The following DEFB124 variants were observed in gnomAD, a reference collection of about 807,000 sequenced individuals.
DEFB124 encodes defensin beta 124.
For synonymous variants in DEFB124, 38 were observed against 36.5 expected (o/e 1.04, Z -0.15); for missense variants, 78 against 83.1 (o/e 0.94, Z 0.24).
rs1330385387 is a variant in DEFB124, at chr20:31,470,956, T to C, written c.58+2000A>G. Among the ~76,000 whole-genome samples the C allele has an allele frequency of 3.9e-5, 5 of 127,720 alleles. No homozygotes were observed. The South Asian group carries it at 1.1e-3, about 27-fold the overall frequency. The allele number at this position is 127,720 out of a possible 152,430, so 83.8% of individuals were successfully genotyped here. A position where few individuals can be genotyped will look rare whatever the true frequency, so the allele number is the denominator to read the frequency against. The stretch of plus-strand genomic sequence containing the variant: ...CTCCTCACTTCCCAGTAGGGGCGGC[T>C]GGGCAGAAGCGCCCCTCACTTCCCG... On this transcript the variant is annotated intron_variant, in intron 2 of 2. Coordinates refer to ENST00000317676, the MANE Select transcript of DEFB124 (RefSeq NM_001037500.2).
intron 2 of DEFB124, among the ~76,000 whole-genome samples, chr20:31,467,279 C>A (rs866756535): frequency 1.3e-5 from 2 of 152,198 alleles, no homozygotes; most frequent in Middle Eastern, 3.2e-3. Context: ...TTTATTCAAC[C>A]CTGCCGAGCA....
At chr20:31,467,572 T>C (rs898705687) in intron 2 of DEFB124, among the ~76,000 whole-genome samples, 131 of 152,222 alleles carry the variant, frequency 8.6e-4, no homozygotes, top group African/African-American at 2.6e-3. Flanking sequence ...GCTCAATAAA[T>C]AGGAGGCAAG....
rs1225360713 is a variant in DEFB124, at chr20:31,468,727, G to A, written c.59-3064C>T. ...CTTGACCTCATGATCCACCCGCCTC[G>A]GCCTCCCAAAGTGCTGGGATTACAG... On this transcript the variant is annotated intron_variant, in intron 2 of 2. Coordinates refer to ENST00000317676, the MANE Select transcript of DEFB124 (RefSeq NM_001037500.2). 7.9e-5 allele frequency among the ~76,000 whole-genome samples: 12 copies of A among 152,042 alleles called. No individual in the cohort carries two copies. The South Asian group carries it at 1.3e-3, about 16-fold the overall frequency.
At chr20:31,470,242 C>A (rs866622901) in intron 2 of DEFB124, among the ~76,000 whole-genome samples, 2,380 of 121,436 alleles carry the variant, frequency 0.02, no homozygotes, top group Middle Eastern at 0.038. Context: ...AGGCGGCTGG[C>A]CGGGCGGGGG....
In DEFB124 at chr20:31,465,548, A is replaced by G. The variant is rs777101059; in HGVS notation, c.174T>C (p.Tyr58=). The change falls in exon 3 of 3, where the codon TAT becomes TAC. Residue 58 remains tyrosine, a synonymous_variant. Transcript: ENST00000317676. The part of the protein sequence containing the change: ...CPDASLCCLS[Y]ALKPPPVPKH... Reference sequence around the variant, plus strand: ...TGGGGACCGGTGGAGGTTTCAATGCATAGGAGAGACAGCACAGGGACGCAT... The same window carrying G: ...TGGGGACCGGTGGAGGTTTCAATGCGTAGGAGAGACAGCACAGGGACGCAT... 1.9e-6 allele frequency: 3 copies of G among 1,614,226 alleles called. No homozygotes were observed. The highest frequency in any genetic ancestry group is 2.2e-5 in the South Asian group (2 of 91,086).
rs996302634 is a variant in DEFB124 at position 31,472,451 on chromosome 20, G to A, written c.58+505C>T. 133 of 145,604 alleles carry A rather than the reference G, an allele frequency of 9.1e-4. 1 individual carries two copies. Among genetic ancestry groups the A allele is most frequent in the Non-Finnish European group, 3.3e-4 (22 of 66,296 alleles). 9.0% of individuals were successfully genotyped at this position (145,604 alleles called of 1,614,324 possible). On this transcript the variant is annotated intron_variant, in intron 2 of 2. Transcript: ENST00000317676. ...GGGAGAGGGGAGAAGGGAGAGGGGA[G>A]AGGGGAGAGGGGAGAGGGGAGAGGC...
In DEFB124 at chr20:31,470,155, G is replaced by A. The variant is rs1262505968; in HGVS notation, c.58+2801C>T. On this transcript the variant is annotated intron_variant, in intron 2 of 2. Coordinates refer to ENST00000317676, the MANE Select transcript of DEFB124 (RefSeq NM_001037500.2). ...CCTCACTTCCTAGTAGGGGCGGCCG[G>A]GCAGAGGTGCCCCTCACCTCCCGGA... Among the ~76,000 whole-genome samples the A allele has an allele frequency of 1.8e-4, 25 of 135,524 alleles. 1 individual carries two copies. Among genetic ancestry groups the A allele is most frequent in the African/African-American group, 7.4e-4 (24 of 32,270 alleles). The allele number at this position is 135,524 out of a possible 152,430, so 88.9% of individuals were successfully genotyped here.
chr20:31,472,613 T>A (rs1318251232), intron 2 of DEFB124: 2 of 257,958 alleles, frequency 7.8e-6, no homozygotes, highest in Non-Finnish European at 1.5e-5. Context: ...ACCCAACATA[T>A]GTTTATCCAC....
Position 31,465,552 on chromosome 20 carries a change from G to A in DEFB124, c.170C>T (p.Ser57Phe), listed in dbSNP as rs780967965. Residue 57 changes from serine (S) to phenylalanine (F), a missense_variant, in exon 3 of 3, where the codon TCC becomes TTC. Ser to Phe is a radical substitution (Grantham distance 155). Coordinates refer to ENST00000317676, the MANE Select transcript of DEFB124 (RefSeq NM_001037500.2). ...GACCGGTGGAGGTTTCAATGCATAG[G>A]AGAGACAGCACAGGGACGCATCCGG... The part of the protein sequence containing the change: ...LCPDASLCCL[S>F]YALKPPPVPK... 6.2e-7 allele frequency: 1 copy of A among 1,614,072 alleles called. No homozygotes were observed. The highest frequency in any genetic ancestry group is 1.1e-5 in the South Asian group (1 of 91,092).
At chr20:31,468,549 C>G (rs1374632168) in intron 2 of DEFB124, among the ~76,000 whole-genome samples, 1 of 151,768 alleles carries the variant, frequency 6.6e-6, no homozygotes, top group East Asian at 1.9e-4. Flanking sequence ...AATCACGGCT[C>G]ACTGCAACCT....
At chr20:31,465,795 T>C in intron 2 of DEFB124, 132 bp from the exon 3 acceptor site, 3 of 1,061,860 alleles carry the variant, frequency 2.8e-6, no homozygotes, top group Non-Finnish European at 4.1e-6. Context: ...AGATCACTAG[T>C]CACAGATGAG....
intron 2 of DEFB124, among the ~76,000 whole-genome samples, chr20:31,470,813 C>CGGCTGGCCGGGCGGGGT (rs1980252049): frequency 1.5e-5 from 2 of 131,812 alleles, no homozygotes; most frequent in Non-Finnish European, 3.3e-5. Flanking sequence ...CCGGACGGGG[C>CGGCTGGCCGGGCGGGGT]GGCTGGCCGG....
intron 2 of DEFB124, among the ~76,000 whole-genome samples, chr20:31,471,957 G>A (rs1354870591): frequency 6.6e-6 from 1 of 151,756 alleles, no homozygotes; most frequent in African/African-American, 2.4e-5. Context: ...CGTCCCAGAC[G>A]ATGGGCGGCC....
At chr20:31,472,439 AGGGAGAGGGGAGAGGGGAGAGGGGAG>A (rs1980357783) in intron 2 of DEFB124, among the ~76,000 whole-genome samples, 1 of 95,470 alleles carries the variant, frequency 1.0e-5, no homozygotes, top group Non-Finnish European at 2.0e-5. Context: ...AGAGGGGAGA[AGGGAGAGGGGAGAGGGGAGAGGGGAG>A]AGGGGAGAGG....
chr20:31,470,248 G>T (rs867646241), intron 2 of DEFB124, among the ~76,000 whole-genome samples: 3 of 129,164 alleles, frequency 2.3e-5, no homozygotes, highest in Non-Finnish European at 3.5e-5. Context: ...CTGGCCGGGC[G>T]GGGGGCTGAC....
intron 1 of DEFB124, among the ~76,000 whole-genome samples, chr20:31,474,079 T>C (rs1980408427): frequency 6.6e-6 from 1 of 152,186 alleles, no homozygotes; most frequent in African/African-American, 2.4e-5. Context: ...CTGCAGAGAA[T>C]AGGTTGGGGC....
chr20:31,466,868 T>C (rs780702191), intron 2 of DEFB124, among the ~76,000 whole-genome samples: 2 of 152,080 alleles, frequency 1.3e-5, no homozygotes, highest in Non-Finnish European at 2.9e-5. Flanking sequence ...CTGTCCTTCA[T>C]TTATTCACTC....
chr20:31,472,727 A>C, intron 2 of DEFB124: 1 of 465,852 alleles, frequency 2.1e-6, no homozygotes, highest in Non-Finnish European at 3.7e-6. Context: ...CACAACCATC[A>C]TAACATAAAT....
In DEFB124 at chr20:31,474,778, G is replaced by A. The variant is rs1980430115; in HGVS notation, c.-177C>T. ...TAATTCTTCAGTGCAGACTTCCTGA[G>A]CTCTCTCTTCCTCCAAGCCACCTCC... On this transcript the variant is annotated 5_prime_UTR_variant, in exon 1 of 3. Coordinates refer to ENST00000317676, the MANE Select transcript of DEFB124 (RefSeq NM_001037500.2). Among the ~76,000 whole-genome samples, 1 of 152,152 alleles carries A rather than the reference G, an allele frequency of 6.6e-6. No homozygotes were observed. Among genetic ancestry groups the A allele is most frequent in the African/African-American group, 2.4e-5 (1 of 41,430 alleles).
Sources: gnomAD v4.1 joint callset for allele counts (sites outside exome capture counted in the v4.1 genomes callset) on GRCh38, gnomAD v4.1.1 for gene constraint, MANE v1.5 for transcripts, NCBI Gene and HGNC (gene_info 2026-07-23, HGNC 2026-07-21) for gene names.